DNHD1: variants seen among roughly 807,000 people sequenced by gnomAD.
The protein encoded by DNHD1 is dynein heavy chain domain 1.
In DNHD1, 383 loss-of-function variants were observed where a neutral mutation model predicts 458.1. The observed-to-expected ratio is 0.84, with a 90% CI of 0.77 to 0.91. The LOEUF (loss-of-function observed/expected upper bound fraction) is 0.91, where lower values mean the gene tolerates loss of function less well. Ranked by LOEUF, DNHD1 falls within the 40% of genes least tolerant of loss-of-function variation. DNHD1 has a pLI of 0.00. For missense variants in DNHD1, 5,336 were observed against 5,866.1 expected (o/e 0.91, Z 2.95); for synonymous variants, 2,203 against 2,376.9 (o/e 0.93, Z 2.13).
rs1450601297 is a variant in DNHD1, at chr11:6,568,200, G to C, written c.12496G>C (p.Glu4166Gln). Residue 4166 changes from glutamate (E) to glutamine (Q), a missense_variant, in exon 37 of 43, where the codon GAG becomes CAG. Around this residue, in one of 4 missense-constraint regions of DNHD1, gnomAD observed 695 missense variants for 804.2 expected, o/e 0.86. Transcript: ENST00000254579. ...NCHLMPHWPK[E>Q]LLQLLLELLG... ...TCATCTGATGCCCCATTGGCCGAAA[G>C]AGCTGCTACAGCTCTTGCTGGAACT... The C allele has an allele frequency of 2.6e-6, 4 of 1,552,446 alleles. No homozygotes were observed. The Admixed American group carries it at 7.8e-5, about 30-fold the overall frequency.
At chr11:6,523,134 T>A (rs1415653309) in intron 10 of DNHD1, among the ~76,000 whole-genome samples, 1 of 152,254 alleles carries the variant, frequency 6.6e-6, no homozygotes, top group Non-Finnish European at 1.5e-5. Context: ...CTTTTTGATA[T>A]TTGTGGTAAG....
At chr11:6,514,083 T>C (rs1489933079) in intron 7 of DNHD1, among the ~76,000 whole-genome samples, 1 of 152,060 alleles carries the variant, frequency 6.6e-6, no homozygotes, top group East Asian at 1.9e-4. Context: ...CCTGACCTCA[T>C]GATCCACCTG....
intron 4 of DNHD1, 159 bp from the exon 5 acceptor site, chr11:6,508,721 C>A: frequency 1.5e-6 from 1 of 655,902 alleles, no homozygotes; most frequent in Non-Finnish European, 2.5e-6. Context: ...TTTGTTTCAT[C>A]TTTCTAGTTT....
At position 6,564,514 on chromosome 11, in the gene DNHD1, AG is replaced by A; in HGVS notation, c.10467del (p.Lys3489AsnfsTer26). ...GATGTGGCACAGGCACTGAAGCGGA[AG>A]CAAAAATCTGTCAGCATACCACCAA... ...PDDVAQALKR[K>X]QKSVSIPPKN... On this transcript the variant is annotated frameshift_variant, in exon 32 of 43. Transcript: ENST00000254579. LOFTEE classifies it high-confidence loss of function. 6.4e-7 allele frequency: 1 copy of A among 1,551,706 alleles called. No homozygotes were observed. The highest frequency in any genetic ancestry group is 8.7e-7 in the Non-Finnish European group (1 of 1,146,988).
chr11:6,562,475 G>A (rs183443474), intron 28 of DNHD1, among the ~76,000 whole-genome samples: 4 of 152,274 alleles, frequency 2.6e-5, no homozygotes, highest in Non-Finnish European at 4.4e-5. Context: ...TCAAAGCCAT[G>A]AGATTAGGGA....
At chr11:6,504,425 G>A (rs947262958) in intron 4 of DNHD1, among the ~76,000 whole-genome samples, 4 of 152,150 alleles carry the variant, frequency 2.6e-5, no homozygotes, top group Admixed American at 2.0e-4. Flanking sequence ...CCTCAGCAAT[G>A]GTCTTTCACC....
In DNHD1 at chr11:6,544,177, T is replaced by C. The variant is rs1481489347; in HGVS notation, c.3685T>C (p.Leu1229=). Residue 1229 remains leucine (L), a synonymous_variant, in exon 19 of 43, where the codon TTG becomes CTG. Coordinates refer to ENST00000254579, the MANE Select transcript of DNHD1 (RefSeq NM_144666.3). The stretch of plus-strand genomic sequence containing the variant: ...AAGTCTTCAGGTGTTGTCCAAGATC[T>C]TGGCCATCGAAAAGTCAGGAGATTT... ...QESLQVLSKI[L]AIEKSGDLNK... 7.1e-6 allele frequency: 11 copies of C among 1,551,504 alleles called. No homozygotes were observed. Among genetic ancestry groups the C allele is most frequent in the Non-Finnish European group, 9.6e-6 (11 of 1,146,978 alleles).
chr11:6,547,366 G>A lies in DNHD1; in HGVS notation c.6427G>A (p.Ala2143Thr), dbSNP rs1853245046. 6.4e-7 allele frequency: 1 copy of A among 1,551,750 alleles called. No homozygotes were observed. The highest frequency in any genetic ancestry group is 1.4e-5 in the African/African-American group (1 of 73,168). Residue 2143 changes from alanine to threonine, a missense_variant, in exon 21 of 43, where the codon GCC becomes ACC. This residue lies in a region of DNHD1 where 3,932 missense variants were observed against 4,365.6 expected (regional missense o/e 0.90). Coordinates refer to ENST00000254579, the MANE Select transcript of DNHD1 (RefSeq NM_144666.3). ...ATCCCCCACAGTGGTAGGCTGTTGT[G>A]CCCTAGTCTGGTGTGGTGGAGAGCA... ...GISPTVVGCC[A>T]LVWCGGEQTW...
chr11:6,511,194 A>G, intron 6 of DNHD1, 79 bp from the exon 7 acceptor site: 1 of 1,549,136 alleles, frequency 6.5e-7, no homozygotes, highest in Non-Finnish European at 8.7e-7. Flanking sequence ...GTCTGAGGTA[A>G]GCTAGGCTGA....
Position 6,539,291 on chromosome 11 carries a change from A to T in DNHD1, c.3398A>T (p.Glu1133Val). Residue 1133 changes from glutamate to valine, a missense_variant, in exon 17 of 43, where the codon GAG becomes GTG. By Grantham distance (121) the Glu-to-Val change is moderately radical. Coordinates refer to ENST00000254579, the MANE Select transcript of DNHD1 (RefSeq NM_144666.3). ...CAGCTGCTTACTTATCCACTGCTGG[A>T]GTTTGCAGATCGAATCAACCAGGTG... is the stretch of plus-strand genomic sequence containing the variant. ...LGQLLTYPLL[E>V]FADRINQVWQ... The T allele has an allele frequency of 6.4e-7, 1 of 1,551,588 alleles. No individual in the cohort carries two copies. Among genetic ancestry groups the T allele is most frequent in the Non-Finnish European group, 8.7e-7 (1 of 1,146,940 alleles).
Position 6,568,245 on chromosome 11 carries a change from G to A in DNHD1, c.12538+3G>A. ...GGAACTGTTAGGCAGAGCCAAGGGTGAGTTTATTGCCTAGATTGGCTTCCA... is the reference window on the plus strand; with the variant it reads ...GGAACTGTTAGGCAGAGCCAAGGGTAAGTTTATTGCCTAGATTGGCTTCCA... On this transcript the variant is annotated splice_donor_region_variant and intron_variant, in intron 37 of 42. Coordinates refer to ENST00000254579, the MANE Select transcript of DNHD1 (RefSeq NM_144666.3). 1 of 1,547,100 alleles carries A rather than the reference G, an allele frequency of 6.5e-7. No homozygotes were observed. The highest frequency in any genetic ancestry group is 8.7e-7 in the Non-Finnish European group (1 of 1,143,430).
At chr11:6,521,220 G>A (rs781564662) in intron 10 of DNHD1, among the ~76,000 whole-genome samples, 13 of 152,162 alleles carry the variant, frequency 8.5e-5, no homozygotes, top group Non-Finnish European at 1.9e-4. Flanking sequence ...GTCTAGTATG[G>A]TGCTCAGCAC....
At chr11:6,560,405 G>T (rs1395503715) in intron 28 of DNHD1, among the ~76,000 whole-genome samples, 1 of 152,154 alleles carries the variant, frequency 6.6e-6, no homozygotes, top group Non-Finnish European at 1.5e-5. Flanking sequence ...AGGTACTGGT[G>T]CCCTCCTACT....
chr11:6,547,865 G>A lies in DNHD1; in HGVS notation c.6730G>A (p.Asp2244Asn), dbSNP rs1853257580. 1 of 1,551,546 alleles carries A rather than the reference G, an allele frequency of 6.4e-7. No individual in the cohort carries two copies. Among genetic ancestry groups the A allele is most frequent in the Non-Finnish European group, 8.7e-7 (1 of 1,147,024 alleles). Reference sequence around the variant, plus strand: ...CGTGGCCATGGCAACTTTCACAGAGGACCTCAGCTATAGTGATCCTGTGGC... The same window carrying A: ...CGTGGCCATGGCAACTTTCACAGAGAACCTCAGCTATAGTGATCCTGTGGC... Reference protein sequence around the residue: ...LKEEKAPGPEDLSYSDPVAQS... With the variant: ...LKEEKAPGPENLSYSDPVAQS... Residue 2244 changes from aspartate (D) to asparagine (N), a missense_variant and splice_region_variant, in exon 22 of 43, where the codon GAC (aspartate) becomes AAC (asparagine). Around this residue, in one of 4 missense-constraint regions of DNHD1, gnomAD observed 3,932 missense variants for 4,365.6 expected, o/e 0.90. Transcript: ENST00000254579.
chr11:6,547,427 C>T lies in DNHD1; in HGVS notation c.6488C>T (p.Ser2163Phe). The T allele has an allele frequency of 1.3e-6, 2 of 1,551,712 alleles. No individual in the cohort carries two copies. Among genetic ancestry groups the T allele is most frequent in the South Asian group, 1.2e-5 (1 of 84,058 alleles). ...TGTATACTTAGTGCCCTGATGGCAT[C>T]CCTTCCTTATGAGTACCGCCTGCAG... ...WQCILSALMA[S>F]LPYEYRLQHR... Residue 2163 changes from serine (S) to phenylalanine (F), a missense_variant, in exon 21 of 43, where the codon TCC becomes TTC. By Grantham distance (155) the Ser-to-Phe change is radical. Coordinates refer to ENST00000254579, the MANE Select transcript of DNHD1 (RefSeq NM_144666.3).
At position 6,529,053 on chromosome 11, in the gene DNHD1, T is replaced by C; in HGVS notation, c.2279T>C (p.Met760Thr). Residue 760 changes from methionine to threonine, a missense_variant, in exon 12 of 43, where the codon ATG becomes ACG. Met to Thr is a moderately conservative substitution (Grantham distance 81, BLOSUM62 -1). Coordinates refer to ENST00000254579, the MANE Select transcript of DNHD1 (RefSeq NM_144666.3). ...GTTTGGCAGGCCCGTGTCTCCAGTATGCCTATCGAGTTGCTCACAAAAGGC... is the reference window on the plus strand; with the variant it reads ...GTTTGGCAGGCCCGTGTCTCCAGTACGCCTATCGAGTTGCTCACAAAAGGC... The part of the protein sequence containing the change: ...LNVWQARVSS[M>T]PIELLTKGGL... 1.3e-6 allele frequency: 2 copies of C among 1,550,952 alleles called. No homozygotes were observed. Among genetic ancestry groups the C allele is most frequent in the Non-Finnish European group, 1.7e-6 (2 of 1,146,954 alleles).
intron 27 of DNHD1, 32 bp from the exon 28 acceptor site, chr11:6,559,149 T>A (rs1441404923): frequency 6.4e-7 from 1 of 1,551,682 alleles, no homozygotes; most frequent in South Asian, 1.2e-5. Context: ...TCTGCTCCTT[T>A]GGGTTTCCTC....
At chr11:6,537,026 G>A (rs1393669278) in intron 14 of DNHD1, among the ~76,000 whole-genome samples, 1 of 152,184 alleles carries the variant, frequency 6.6e-6, no homozygotes, top group Non-Finnish European at 1.5e-5. Flanking sequence ...ACATGTGTAA[G>A]ATGCATGAGG....
Position 6,534,014 on chromosome 11 carries a change from G to T in DNHD1, c.2839G>T (p.Glu947Ter), listed in dbSNP as rs180918289. ...GCAGCTGATGGCAGCAGCATTGGCAGAGCTGGAAGGCCTGCTTGCGAAGGC... is the reference window on the plus strand; with the variant it reads ...GCAGCTGATGGCAGCAGCATTGGCATAGCTGGAAGGCCTGCTTGCGAAGGC... ...LQQLMAAALAELEGLLAKALS... is the reference protein window; with the variant it reads ...LQQLMAAALA The change falls in exon 14 of 43, where the codon GAG (glutamate) becomes TAG (stop). Residue 947 changes from glutamate to a stop codon, truncating the protein, a stop_gained. Coordinates refer to ENST00000254579, the MANE Select transcript of DNHD1 (RefSeq NM_144666.3). LOFTEE classifies it high-confidence loss of function. 4,687 of 1,551,616 alleles carry T rather than the reference G, an allele frequency of 3.0e-3. 13 individuals carry two copies. The highest frequency in any genetic ancestry group is 8.5e-3 in the Admixed American group (435 of 51,010).
Sources: allele counts gnomAD v4.1 joint callset (sites outside exome capture counted in the v4.1 genomes callset), GRCh38; gene constraint gnomAD v4.1.1; regional missense constraint gnomAD v4.1.1; transcripts MANE v1.5; gene names NCBI Gene and HGNC (gene_info 2026-07-23, HGNC 2026-07-21).